Variants in ZNF879 observed in about 807,000 individuals in gnomAD.
ZNF879 encodes zinc finger protein 879.
In ZNF879, 32 loss-of-function variants were observed where a neutral mutation model predicts 44.3. That is an observed-to-expected ratio of 0.72 (90% CI 0.54 to 0.97). The LOEUF (loss-of-function observed/expected upper bound fraction) is 0.97, where lower values mean the gene tolerates loss of function less well. ZNF879 is among the 50% of genes least tolerant of loss of function. ZNF879 has a pLI of 0.00. For synonymous variants in ZNF879, 234 were observed against 233.2 expected (o/e 1.00, Z -0.03); for missense variants, 621 against 669.7 (o/e 0.93, Z 0.80).
intron 4 of ZNF879, 92 bp downstream of exon 4, chr5:179,028,219 C>T: frequency 8.9e-7 from 1 of 1,122,534 alleles, no homozygotes; most frequent in Non-Finnish European, 1.3e-6. Flanking sequence ...CCTTGATGTG[C>T]CAGGCCAGGG....
chr5:179,029,181 C>T (rs754860755), intron 4 of ZNF879, among the ~76,000 whole-genome samples: 2 of 151,386 alleles, frequency 1.3e-5, no homozygotes, highest in Non-Finnish European at 2.9e-5. Flanking sequence ...ACAAATAATC[C>T]CATTAGTCAG....
chr5:179,025,379 C>T (rs961828461), intron 2 of ZNF879, among the ~76,000 whole-genome samples: 3 of 151,986 alleles, frequency 2.0e-5, no homozygotes, highest in African/African-American at 7.2e-5. Context: ...TAGTAGAGAC[C>T]AGGCTTCAAC....
intron 3 of ZNF879, 84 bp from the exon 4 acceptor site, chr5:179,027,948 G>A (rs184948162): frequency 1.8e-5 from 21 of 1,199,522 alleles, no homozygotes; most frequent in Admixed American, 1.4e-4. Context: ...CTCCTTCCCT[G>A]TACTGCCCCT....
At chr5:179,025,450 A>G (rs1761237609) in intron 2 of ZNF879, among the ~76,000 whole-genome samples, 1 of 151,954 alleles carries the variant, frequency 6.6e-6, no homozygotes, top group African/African-American at 2.4e-5. Flanking sequence ...TCAGCCTCCT[A>G]AAGTGTTGGG....
At chr5:179,024,425 G>C (rs1761201630) in intron 1 of ZNF879, 1 of 152,218 alleles carries the variant, frequency 6.6e-6, no homozygotes, top group South Asian at 2.1e-4. Flanking sequence ...TCAATTTCTA[G>C]CTAGTGATGC....
At chr5:179,031,278 GA>G (rs554704805) in intron 4 of ZNF879, among the ~76,000 whole-genome samples, 128 of 152,186 alleles carry the variant, frequency 8.4e-4, no homozygotes, top group Non-Finnish European at 1.5e-3. Context: ...CTGTATCCTA[GA>G]AAACGCTCCA....
chr5:179,033,611 C>A lies in ZNF879; in HGVS notation c.1663C>A (p.Leu555Ile), dbSNP rs1408061645. The A allele has an allele frequency of 2.0e-6, 3 of 1,526,736 alleles. No homozygotes were observed. The highest frequency in any genetic ancestry group is 2.8e-5 in the African/African-American group (2 of 71,482). The allele number at this position is 1,526,736 out of a possible 1,614,324, so 94.6% of individuals were successfully genotyped here. A position where few individuals can be genotyped will look rare whatever the true frequency, so the allele number is the denominator to read the frequency against. The change falls in exon 5 of 5, where the codon CTT (leucine) becomes ATT (isoleucine). Residue 555 changes from leucine to isoleucine, a missense_variant. Leu to Ile is a conservative substitution (Grantham distance 5). Coordinates refer to ENST00000444149, the MANE Select transcript of ZNF879 (RefSeq NM_001136116.3). Reference protein sequence around the residue: ...CGKAFSQSSSLTNHQRTHN With the variant: ...CGKAFSQSSSITNHQRTHN The stretch of plus-strand genomic sequence containing the variant: ...GAAGGCTTTTAGTCAGAGCTCATCT[C>A]TTACTAATCATCAAAGGACTCATAA...
Position 179,032,702 on chromosome 5 carries a change from A to T in ZNF879, c.754A>T (p.Arg252Trp), listed in dbSNP as rs751434117. Residue 252 changes from arginine (R) to tryptophan (W), a missense_variant, in exon 5 of 5, where the codon AGG (arginine) becomes TGG (tryptophan). Arg to Trp is a moderately radical substitution (Grantham distance 101). Transcript: ENST00000444149. ...SQSSSLTQHL[R>W]VHTGEKPYIC... ...AAGCTCATCCCTAACTCAGCACTTG[A>T]GGGTTCATACAGGAGAGAAACCTTA... The T allele has an allele frequency of 2.6e-6, 4 of 1,559,824 alleles. No homozygotes were observed. The highest frequency in any genetic ancestry group is 3.5e-6 in the Non-Finnish European group (4 of 1,152,006).
rs1460914398 is a variant in ZNF879 at position 179,033,803 on chromosome 5, G to A, written c.*163G>A. 3 of 501,412 alleles carry A rather than the reference G, an allele frequency of 6.0e-6. No individual in the cohort carries two copies. The highest frequency in any genetic ancestry group is 5.9e-5 in the African/African-American group (3 of 50,658). 31.1% of individuals were successfully genotyped at this position (501,412 alleles called of 1,614,324 possible). ...GACTTCATGATGCAGGGTAACCTTG[G>A]GAATGCTAGAAAAGCTTCTATAAAA... On this transcript the variant is annotated 3_prime_UTR_variant, in exon 5 of 5. Transcript: ENST00000444149.
Position 179,024,188 on chromosome 5 carries a change from G to C in ZNF879, c.-36+284G>C, listed in dbSNP as rs1761193310. The stretch of plus-strand genomic sequence containing the variant: ...ACTGCAAAATGCCGCCTCGGTTCAG[G>C]GTCCGGAGCCCTCCGGGCGGTTTTT... On this transcript the variant is annotated intron_variant, in intron 1 of 4. Transcript: ENST00000444149. Among the ~76,000 whole-genome samples the C allele has an allele frequency of 2.0e-5, 3 of 152,208 alleles. No individual in the cohort carries two copies. In the South Asian group the frequency reaches 6.2e-4, roughly 32 times the overall value.
chr5:179,024,945 C>A, intron 1 of ZNF879, 25 bp from the exon 2 acceptor site: 1 of 1,540,150 alleles, frequency 6.5e-7, no homozygotes, highest in Non-Finnish European at 8.8e-7. Flanking sequence ...ATGAAAAGAC[C>A]TCACAGCTTT....
chr5:179,026,866 T>C (rs530494035), intron 2 of ZNF879, among the ~76,000 whole-genome samples: 3 of 152,176 alleles, frequency 2.0e-5, no homozygotes, highest in African/African-American at 4.8e-5. Flanking sequence ...AGGAGAGAGA[T>C]AGAAGAACAG....
chr5:179,024,969 G>A lies in ZNF879; in HGVS notation c.-35-1G>A, dbSNP rs1761223401. 1 of 1,551,266 alleles carries A rather than the reference G, an allele frequency of 6.4e-7. No homozygotes were observed. The highest frequency in any genetic ancestry group is 1.2e-5 in the South Asian group (1 of 84,056). On this transcript the variant is annotated splice_acceptor_variant, in intron 1 of 4. Transcript: ENST00000444149. LOFTEE classifies it low-confidence loss of function (5UTR_SPLICE). ...CCTCACAGCTTTTTTCTCCATTCCAGGTGCCTTCTCCAAGAGAGGCAGCAG... is the reference window on the plus strand; with the variant it reads ...CCTCACAGCTTTTTTCTCCATTCCAAGTGCCTTCTCCAAGAGAGGCAGCAG...
intron 2 of ZNF879, among the ~76,000 whole-genome samples, chr5:179,026,615 C>T (rs1761277439): frequency 1.3e-5 from 2 of 152,118 alleles, no homozygotes; most frequent in Admixed American, 6.6e-5. Flanking sequence ...TCTGAATAAC[C>T]GGGACTACAG....
intron 4 of ZNF879, 137 bp from the exon 5 acceptor site, chr5:179,032,068 C>T: frequency 1.4e-6 from 1 of 719,574 alleles, no homozygotes; most frequent in Non-Finnish European, 2.2e-6. Flanking sequence ...TGTCATCCTG[C>T]TTCCTTCCTC....
At position 179,032,925 on chromosome 5, in the gene ZNF879, G is replaced by A. The variant is rs962903402; in HGVS notation, c.977G>A (p.Ser326Asn). 3 of 1,566,784 alleles carry A rather than the reference G, an allele frequency of 1.9e-6. No homozygotes were observed. In the African/African-American group the frequency reaches 4.1e-5, roughly 21 times the overall value. Reference sequence around the variant, plus strand: ...TGTAATGAATGTGGGAGGGCCTTCAGTCAGTGCTCATCTCTCATTCAGCAC... The same window carrying A: ...TGTAATGAATGTGGGAGGGCCTTCAATCAGTGCTCATCTCTCATTCAGCAC... The part of the protein sequence containing the change: ...YKCNECGRAF[S>N]QCSSLIQHHR... The change falls in exon 5 of 5, where the codon AGT becomes AAT. Residue 326 changes from serine to asparagine, a missense_variant. Ser to Asn is a conservative substitution (Grantham distance 46). Transcript: ENST00000444149.
At position 179,032,196 on chromosome 5, in the gene ZNF879, C is replaced by A; in HGVS notation, c.257-9C>A. 2 of 1,486,754 alleles carry A rather than the reference C, an allele frequency of 1.3e-6. No homozygotes were observed. The highest frequency in any genetic ancestry group is 1.4e-5 in the South Asian group (1 of 72,564). The allele number at this position is 1,486,754 out of a possible 1,614,324, so 92.1% of individuals were successfully genotyped here. A position where few individuals can be genotyped will look rare whatever the true frequency, so the allele number is the denominator to read the frequency against. On this transcript the variant is annotated splice_polypyrimidine_tract_variant and intron_variant, in intron 4 of 4. Transcript: ENST00000444149. ...TTCAAGAGAGACTTATATGTTTTGT[C>A]TACTTTAGGATGGGAAAGCTTGTTT... is the stretch of plus-strand genomic sequence containing the variant.
intron 4 of ZNF879, among the ~76,000 whole-genome samples, chr5:179,029,127 A>G (rs1338787727): frequency 7.7e-6 from 1 of 130,270 alleles, no homozygotes; most frequent in Admixed American, 8.4e-5. Context: ...TCCTCTCTGC[A>G]TTGTCCAAAC....
chr5:179,029,100 G>GT (rs35623143), intron 4 of ZNF879, among the ~76,000 whole-genome samples: 2,222 of 67,134 alleles, frequency 0.033, 28 homozygotes, highest in African/African-American at 0.093. Flanking sequence ...TCTGGCATCT[G>GT]TTTTTTTTTT....
Sources: allele counts gnomAD v4.1 joint callset (sites outside exome capture counted in the v4.1 genomes callset), GRCh38; gene constraint gnomAD v4.1.1; transcripts MANE v1.5; gene names NCBI Gene and HGNC (gene_info 2026-07-23, HGNC 2026-07-21).